GOLGA4: variants seen among roughly 807,000 people sequenced by gnomAD.
The protein encoded by GOLGA4 is golgin subfamily A member 4.
A neutral mutation model predicts 265.9 loss-of-function variants in GOLGA4; 169 were observed. The ratio of observed to expected loss-of-function variants is 0.64; its 90% CI spans 0.56 to 0.72. The LOEUF (loss-of-function observed/expected upper bound fraction) is 0.72. Among genes scored for constraint, GOLGA4 ranks in the 30% least tolerant of loss-of-function variants. GOLGA4 has a pLI of 0.00. For missense variants in GOLGA4, 2,482 were observed against 2,483.4 expected, an observed-to-expected ratio of 1.00 and a Z score of 0.01; for synonymous variants, 923 against 855.8, an observed-to-expected ratio of 1.08 and a Z score of -1.37.
chr3:37,256,950 C>A (rs1193509231), intron 2 of GOLGA4, among the ~76,000 whole-genome samples: 2 of 151,800 alleles, frequency 1.3e-5, no homozygotes, highest in East Asian at 3.9e-4. Context: ...CATAAATTAA[C>A]CATTTAAAGC....
At chr3:37,360,065 T>C (rs2097100460) in intron 22 of GOLGA4, among the ~76,000 whole-genome samples, 1 of 152,218 alleles carries the variant, frequency 6.6e-6, no homozygotes, top group South Asian at 2.1e-4. Flanking sequence ...ATCATCTCTG[T>C]GAACAGTTTG....
chr3:37,310,151 A>C (rs2096919124), intron 10 of GOLGA4, among the ~76,000 whole-genome samples: 1 of 152,154 alleles, frequency 6.6e-6, no homozygotes, highest in African/African-American at 2.4e-5. Flanking sequence ...GCCTTTTCAC[A>C]CTTCTGCATT....
chr3:37,344,662 A>G (rs781469162), intron 20 of GOLGA4, among the ~76,000 whole-genome samples: 12 of 151,998 alleles, frequency 7.9e-5, no homozygotes, highest in Non-Finnish European at 1.6e-4. Context: ...TCACTTCATA[A>G]TAAGTCTTGA....
In GOLGA4 at chr3:37,282,219, C is replaced by A; in HGVS notation, c.424C>A (p.Arg142=). 3.7e-6 allele frequency: 6 copies of A among 1,614,060 alleles called. No homozygotes were observed. The highest frequency in any genetic ancestry group is 5.1e-6 in the Non-Finnish European group (6 of 1,179,940). ...TCTCAACAAAGAACAGTTGATTCAG[C>A]GGTTGCGAAGAATGGAACGAAGCTT... ...DSLNKEQLIQ[R]LRRMERSLSS... The change falls in exon 3 of 24, where the codon CGG becomes AGG. Residue 142 remains arginine (R), a synonymous_variant. Coordinates refer to ENST00000361924, the MANE Select transcript of GOLGA4 (RefSeq NM_002078.5).
At chr3:37,276,900 CTTTT>C (rs771039086) in intron 2 of GOLGA4, among the ~76,000 whole-genome samples, 1 of 152,096 alleles carries the variant, frequency 6.6e-6, no homozygotes. Flanking sequence ...TACACCTTAA[CTTTT>C]TTTCTTTTAC....
intron 2 of GOLGA4, among the ~76,000 whole-genome samples, chr3:37,269,417 CT>C (rs1272833737): frequency 2.0e-5 from 3 of 152,098 alleles, no homozygotes; most frequent in Non-Finnish European, 4.4e-5. Flanking sequence ...ACATGTACCC[CT>C]GAACTTAAAA....
At chr3:37,302,662 T>C in intron 10 of GOLGA4, 1 of 208,664 alleles carries the variant, frequency 4.8e-6, no homozygotes, top group Non-Finnish European at 9.6e-6. Flanking sequence ...TTACAGAAAA[T>C]GTGTGCTGAC....
chr3:37,347,755 C>T (rs1404109449), intron 21 of GOLGA4, among the ~76,000 whole-genome samples: 4 of 152,028 alleles, frequency 2.6e-5, no homozygotes, highest in African/African-American at 7.2e-5. Context: ...TGTGGAATAT[C>T]GATCATTTAA....
At position 37,327,873 on chromosome 3, in the gene GOLGA4, T is replaced by G. The variant is rs369223606; in HGVS notation, c.5939+48T>G. 3 of 1,440,090 alleles carry G rather than the reference T, an allele frequency of 2.1e-6. No individual in the cohort carries two copies. The African/African-American group carries it at 4.3e-5, about 20-fold the overall frequency. 89.2% of individuals were successfully genotyped at this position (1,440,090 alleles called of 1,614,324 possible). Reference sequence around the variant, plus strand: ...TATTTTTATGGCAGTCCTTCTTAATTAAGTCTCCTTTTTTTGTGCCTAATA... The same window carrying G: ...TATTTTTATGGCAGTCCTTCTTAATGAAGTCTCCTTTTTTTGTGCCTAATA... On this transcript the variant is annotated intron_variant, in intron 14 of 23. Transcript: ENST00000361924.
Position 37,260,560 on chromosome 3 carries a change from T to C in GOLGA4, c.162+9076T>C, listed in dbSNP as rs535893578. 1.3e-3 allele frequency among the ~76,000 whole-genome samples: 195 copies of C among 150,742 alleles called. 1 individual carries two copies. Among genetic ancestry groups the C allele is most frequent in the Middle Eastern group, 0.01 (3 of 286 alleles). ...CTGAGGCGGGAGAATCGCTTGAACCTGGGAGGTAGAGAGGTTCCAGTGAGC... is the reference window on the plus strand; with the variant it reads ...CTGAGGCGGGAGAATCGCTTGAACCCGGGAGGTAGAGAGGTTCCAGTGAGC... On this transcript the variant is annotated intron_variant, in intron 2 of 23. Coordinates refer to ENST00000361924, the MANE Select transcript of GOLGA4 (RefSeq NM_002078.5).
chr3:37,249,137 A>G (rs1241273045), intron 1 of GOLGA4, among the ~76,000 whole-genome samples: 2 of 152,194 alleles, frequency 1.3e-5, no homozygotes, highest in Non-Finnish European at 2.9e-5. Context: ...TGGCACTGGC[A>G]TGGTTTGCAA....
In GOLGA4 at chr3:37,269,062, A is replaced by G. The variant is rs962159221; in HGVS notation, c.163-12896A>G. Among the ~76,000 whole-genome samples the G allele has an allele frequency of 3.9e-5, 6 of 152,242 alleles. No individual in the cohort carries two copies. The South Asian group carries it at 8.3e-4, about 21-fold the overall frequency. On this transcript the variant is annotated intron_variant, in intron 2 of 23. Transcript: ENST00000361924. ...CCGTAACCTTGGTGCTCAGCAGTCA[A>G]TGCAATGGTTGTTGAAAGATTGAAA...
intron 2 of GOLGA4, among the ~76,000 whole-genome samples, chr3:37,281,502 T>C (rs780581600): frequency 2.0e-5 from 3 of 152,188 alleles, no homozygotes; most frequent in Non-Finnish European, 4.4e-5. Context: ...AAAGCCCACT[T>C]GAGTTCAGTT....
intron 3 of GOLGA4, 57 bp downstream of exon 3, chr3:37,282,329 A>T: frequency 8.2e-7 from 1 of 1,215,150 alleles, no homozygotes; most frequent in Non-Finnish European, 1.2e-6. Context: ...TCTCTCATTC[A>T]TATTACTGTA....
intron 21 of GOLGA4, among the ~76,000 whole-genome samples, chr3:37,350,975 G>A (rs547243795): frequency 6.6e-6 from 1 of 152,158 alleles, no homozygotes; most frequent in East Asian, 1.9e-4. Context: ...GGGTGTCTGT[G>A]GCATTTTCCT....
intron 10 of GOLGA4, among the ~76,000 whole-genome samples, chr3:37,312,039 AC>A (rs956297360): frequency 2.6e-5 from 4 of 152,356 alleles, no homozygotes; most frequent in South Asian, 2.1e-4. Flanking sequence ...TACTTAATTG[AC>A]AAAAGGTTTT....
intron 5 of GOLGA4, among the ~76,000 whole-genome samples, chr3:37,292,198 C>T (rs2096866490): frequency 6.6e-6 from 1 of 151,920 alleles, no homozygotes; most frequent in African/African-American, 2.4e-5. Context: ...GCTGTTAGGA[C>T]TGCTATGTAA....
rs140758028 is a variant in GOLGA4, at chr3:37,294,182, A to G, written c.583-797A>G. 6.5e-4 allele frequency among the ~76,000 whole-genome samples: 99 copies of G among 152,290 alleles called. No individual in the cohort carries two copies. In the East Asian group the frequency reaches 0.017, roughly 27 times the overall value. On this transcript the variant is annotated intron_variant, in intron 5 of 23. Transcript: ENST00000361924. ...TCATTAATGACCTAAAGAAAGCAGCATTTTAACTAATTGCAGGAACTAGAA... is the reference window on the plus strand; with the variant it reads ...TCATTAATGACCTAAAGAAAGCAGCGTTTTAACTAATTGCAGGAACTAGAA...
At chr3:37,286,433 G>A (rs943523534) in intron 4 of GOLGA4, among the ~76,000 whole-genome samples, 1 of 152,072 alleles carries the variant, frequency 6.6e-6, no homozygotes, top group Non-Finnish European at 1.5e-5. Context: ...GATTACAGGC[G>A]TGAGCCACCG....
Sources: allele counts gnomAD v4.1 joint callset (sites outside exome capture counted in the v4.1 genomes callset), GRCh38; gene constraint gnomAD v4.1.1; transcripts MANE v1.5; gene names NCBI Gene and HGNC (gene_info 2026-07-23, HGNC 2026-07-21).